Variants in SUPT3H observed in about 807,000 individuals in gnomAD.
The protein encoded by SUPT3H is SPT3 homolog, SAGA and STAGA complex component.
SUPT3H carries 44 observed loss-of-function variants against 44.3 expected under a neutral mutation model. The observed-to-expected ratio is 0.99, with a 90% CI of 0.78 to 1.28. The LOEUF (loss-of-function observed/expected upper bound fraction) is 1.28. Ranked by LOEUF, SUPT3H falls within the 50% of genes most tolerant of loss-of-function variation. The pLI is 0.00. For missense variants in SUPT3H, 380 were observed against 387.1 expected, an observed-to-expected ratio of 0.98 and a Z score of 0.15; for synonymous variants, 124 against 125.6, an observed-to-expected ratio of 0.99 and a Z score of 0.09.
chr6:45,221,226 G>C (rs886107304), intron 2 of SUPT3H, among the ~76,000 whole-genome samples: 15 of 152,256 alleles, frequency 9.9e-5, no homozygotes, highest in African/African-American at 3.4e-4. Flanking sequence ...CCTGTCATGG[G>C]GTGGGGGCAT....
At chr6:45,032,244 G>A (rs776719869) in intron 3 of SUPT3H, among the ~76,000 whole-genome samples, 1 of 152,092 alleles carries the variant, frequency 6.6e-6, no homozygotes, top group Non-Finnish European at 1.5e-5. Context: ...TGCAGTATAT[G>A]TAAAATGAAA....
At chr6:45,364,454 T>C (rs549715673) in intron 2 of SUPT3H, among the ~76,000 whole-genome samples, 6 of 152,310 alleles carry the variant, frequency 3.9e-5, no homozygotes, top group African/African-American at 1.4e-4. Context: ...TCATGAATAA[T>C]GTATCCACAG....
chr6:44,890,503 G>T (rs544100310), intron 10 of SUPT3H, among the ~76,000 whole-genome samples: 10 of 149,436 alleles, frequency 6.7e-5, no homozygotes, highest in Non-Finnish European at 1.3e-4. Context: ...GTAAACTATC[G>T]CCAGAACAAA....
intron 2 of SUPT3H, among the ~76,000 whole-genome samples, chr6:45,281,902 C>T (rs527903099): frequency 4.7e-4 from 72 of 152,276 alleles, no homozygotes; most frequent in South Asian, 4.6e-3. Flanking sequence ...TCCAGAGGAA[C>T]GATCAGGCAA....
At chr6:44,815,238 G>A (rs1766831027) in intron 11 of SUPT3H, among the ~76,000 whole-genome samples, 1 of 152,136 alleles carries the variant, frequency 6.6e-6, no homozygotes, top group Admixed American at 6.5e-5. Context: ...AATAAAAAGG[G>A]TGGTAAAGAA....
intron 2 of SUPT3H, among the ~76,000 whole-genome samples, chr6:45,239,363 C>G (rs1272945786): frequency 6.6e-6 from 1 of 152,224 alleles, no homozygotes; most frequent in Admixed American, 6.5e-5. Flanking sequence ...GTATCTAATG[C>G]TACACACTTT....
intron 10 of SUPT3H, among the ~76,000 whole-genome samples, chr6:44,882,175 A>G (rs908942792): frequency 2.0e-5 from 3 of 152,232 alleles, no homozygotes; most frequent in African/African-American, 7.2e-5. Context: ...AGAATCAAAT[A>G]GACACAATAA....
intron 2 of SUPT3H, among the ~76,000 whole-genome samples, chr6:45,348,508 A>C (rs1394667142): frequency 7.0e-6 from 1 of 142,500 alleles, no homozygotes; most frequent in African/African-American, 2.7e-5. Context: ...CTCTACTAAA[A>C]ATACAAAAAA....
chr6:44,819,464 T>C (rs1383980443), intron 11 of SUPT3H, among the ~76,000 whole-genome samples: 1 of 151,512 alleles, frequency 6.6e-6, no homozygotes, highest in Non-Finnish European at 1.5e-5. Flanking sequence ...TATACCTATA[T>C]GCAAACTAGA....
intron 9 of SUPT3H, among the ~76,000 whole-genome samples, chr6:44,943,682 T>C (rs1203019344): frequency 5.9e-5 from 9 of 151,904 alleles, no homozygotes; most frequent in Non-Finnish European, 1.3e-4. Context: ...GAAACGATAA[T>C]AGAAACCTAC....
intron 3 of SUPT3H, among the ~76,000 whole-genome samples, chr6:45,080,375 T>C (rs192268462): frequency 1.7e-4 from 26 of 152,128 alleles, no homozygotes; most frequent in Admixed American, 1.7e-3. Flanking sequence ...CGCAGAACAG[T>C]TTGGAGGTTC....
At chr6:45,266,601 C>T (rs1775305261) in intron 2 of SUPT3H, among the ~76,000 whole-genome samples, 1 of 151,766 alleles carries the variant, frequency 6.6e-6, no homozygotes, top group African/African-American at 2.4e-5. Context: ...TATGAATAGA[C>T]ATTTGATGAC....
At chr6:44,890,551 T>G (rs1324168758) in intron 10 of SUPT3H, among the ~76,000 whole-genome samples, 1 of 139,452 alleles carries the variant, frequency 7.2e-6, no homozygotes, top group Admixed American at 8.1e-5. Flanking sequence ...TAGGTGGGAA[T>G]TGAACAATGA....
intron 1 of SUPT3H, among the ~76,000 whole-genome samples, chr6:45,375,820 T>G (rs1263358167): frequency 6.6e-6 from 1 of 151,124 alleles, no homozygotes; most frequent in Non-Finnish European, 1.5e-5. Context: ...TTATATACAC[T>G]TGCTTTAAAA....
At chr6:45,158,992 T>G (rs1420807938) in intron 2 of SUPT3H, 1 of 152,188 alleles carries the variant, frequency 6.6e-6, no homozygotes, top group Non-Finnish European at 1.5e-5. Context: ...TCATCACTGC[T>G]GCATTCTAAA....
chr6:44,878,624 T>C (rs903074166), intron 10 of SUPT3H, among the ~76,000 whole-genome samples: 1 of 152,090 alleles, frequency 6.6e-6, no homozygotes, highest in African/African-American at 2.4e-5. Flanking sequence ...TGCTCTCGGG[T>C]GTGGATGGCA....
At chr6:44,824,141 C>T (rs972840928), downstream of SUPT3H, among the ~76,000 whole-genome samples, 9 of 152,200 alleles carry the variant, frequency 5.9e-5, no homozygotes, top group African/African-American at 1.2e-4. Flanking sequence ...GCTTATGTAG[C>T]TGTGTAACAG....
At chr6:45,180,563 G>A (rs1180951704) in intron 2 of SUPT3H, among the ~76,000 whole-genome samples, 9 of 149,766 alleles carry the variant, frequency 6.0e-5, no homozygotes, top group South Asian at 2.1e-4. Flanking sequence ...AAATAACACC[G>A]CATATCTACA....
intron 2 of SUPT3H, among the ~76,000 whole-genome samples, chr6:45,263,685 G>A (rs1774775270): frequency 6.6e-6 from 1 of 152,042 alleles, no homozygotes; most frequent in Non-Finnish European, 1.5e-5. Context: ...ATGAACAAAT[G>A]TAAAAAACGG....
Sources: gnomAD v4.1 joint callset for allele counts (sites outside exome capture counted in the v4.1 genomes callset) on GRCh38, gnomAD v4.1.1 for gene constraint, MANE v1.5 for transcripts, NCBI Gene and HGNC (gene_info 2026-07-23, HGNC 2026-07-21) for gene names.